Variants in PARN observed in about 807,000 individuals in gnomAD.
PARN encodes poly(A)-specific ribonuclease, also known as poly(A)-specific ribonuclease PARN.
In PARN, 71 loss-of-function variants were observed where a neutral mutation model predicts 102.8. The observed-to-expected ratio is 0.69, with a 90% CI of 0.57 to 0.84. PARN has a LOEUF of 0.84. Among genes scored for constraint, PARN ranks in the 40% least tolerant of loss-of-function variants. The probability of loss-of-function intolerance (pLI) is 0.00; values close to 1 mark genes in which losing one functional copy is unlikely to be tolerated. For synonymous variants in PARN, 261 were observed against 252.9 expected, an observed-to-expected ratio of 1.03 and a Z score of -0.30; for missense variants, 782 against 760.9, an observed-to-expected ratio of 1.03 and a Z score of -0.33.
At chr16:14,536,518 C>A (rs1966612858) in intron 21 of PARN, among the ~76,000 whole-genome samples, 1 of 152,156 alleles carries the variant, frequency 6.6e-6, no homozygotes, top group African/African-American at 2.4e-5. Context: ...ATGACTATGG[C>A]ACTAAATAAG....
chr16:14,573,720 G>A (rs930960388), intron 18 of PARN, among the ~76,000 whole-genome samples: 6 of 152,164 alleles, frequency 3.9e-5, no homozygotes, highest in African/African-American at 1.4e-4. Flanking sequence ...TATTTTGATA[G>A]TGAGTGAGTC....
chr16:14,582,341 C>T lies in PARN; in HGVS notation c.1082-50G>A, dbSNP rs756720515. ...TCCTCAAAACAAAGACTAGTAAGCA[C>T]ATTGCCCTACCAATCAAAATTGCAT... On this transcript the variant is annotated intron_variant, in intron 16 of 23. Coordinates refer to ENST00000437198, the MANE Select transcript of PARN (RefSeq NM_002582.4). The T allele has an allele frequency of 1.1e-5, 13 of 1,170,942 alleles. No individual in the cohort carries two copies. In the East Asian group the frequency reaches 1.9e-4, roughly 17 times the overall value. The allele number at this position is 1,170,942 out of a possible 1,614,324, so 72.5% of individuals were successfully genotyped here.
In PARN at chr16:14,606,171, G is replaced by C. The variant is rs113706978; in HGVS notation, c.702+313C>G. 9.7e-4 allele frequency among the ~76,000 whole-genome samples: 148 copies of C among 152,098 alleles called. 2 individuals are homozygous for C. Among genetic ancestry groups the C allele is most frequent in the Admixed American group, 7.9e-4 (12 of 15,246 alleles). ...ATCCAGCACTCTGCGAGGCCGAGGCGGGCAAATTGTTTGAGCCCAGGAGTT... is the reference window on the plus strand; with the variant it reads ...ATCCAGCACTCTGCGAGGCCGAGGCCGGCAAATTGTTTGAGCCCAGGAGTT... On this transcript the variant is annotated intron_variant, in intron 10 of 23. Transcript: ENST00000437198.
chr16:14,465,969 C>T (rs554449230), intron 22 of PARN, among the ~76,000 whole-genome samples: 31 of 152,170 alleles, frequency 2.0e-4, no homozygotes, highest in Middle Eastern at 3.4e-3. Context: ...GGACACAAAG[C>T]GGAGAATGAC....
At chr16:14,521,483 T>C (rs1300296511) in intron 21 of PARN, among the ~76,000 whole-genome samples, 1 of 152,230 alleles carries the variant, frequency 6.6e-6, no homozygotes, top group Non-Finnish European at 1.5e-5. Context: ...CGCTTTTGCT[T>C]TCCATTTGGA....
At position 14,617,623 on chromosome 16, in the gene PARN, G is replaced by C. The variant is rs1214207697; in HGVS notation, c.355C>G (p.Gln119Glu). The stretch of plus-strand genomic sequence containing the variant: ...AAAACTTTATTAAAATCAAATCCCT[G>C]GCTTGCTAGAAAGTCAATGCTGGAG... Reference protein sequence around the residue: ...QSSSIDFLASQGFDFNKVFRN... With the variant: ...QSSSIDFLASEGFDFNKVFRN... Residue 119 changes from glutamine (Q) to glutamate (E), a missense_variant, in exon 6 of 24, where the codon CAG (glutamine) becomes GAG (glutamate). By Grantham distance (29) the Gln-to-Glu change is conservative. Transcript: ENST00000437198. 1 of 1,597,156 alleles carries C rather than the reference G, an allele frequency of 6.3e-7. No homozygotes were observed.
At chr16:14,484,572 G>A (rs2151600106) in intron 21 of PARN, among the ~76,000 whole-genome samples, 1 of 152,320 alleles carries the variant, frequency 6.6e-6, no homozygotes, top group African/African-American at 2.4e-5. Flanking sequence ...TGAATGCAGA[G>A]CAGAATGCAG....
At chr16:14,444,237 T>C (rs943706754) in intron 23 of PARN, among the ~76,000 whole-genome samples, 1 of 152,090 alleles carries the variant, frequency 6.6e-6, no homozygotes, top group Admixed American at 6.5e-5. Flanking sequence ...CGATGAATGG[T>C]GCTCCAGAAG....
intron 20 of PARN, among the ~76,000 whole-genome samples, chr16:14,552,759 A>G (rs1967392925): frequency 6.6e-6 from 1 of 151,334 alleles, no homozygotes; most frequent in Non-Finnish European, 1.5e-5. Flanking sequence ...GACCAGCCTG[A>G]CCAACATGGA....
chr16:14,436,726 G>A lies in PARN; in HGVS notation c.1911C>T (p.Asp637=), dbSNP rs1187086940. The part of the protein sequence containing the change: ...NSPATLFEVP[D]TW Reference sequence around the variant, plus strand: ...TGCCCTCAGGTCTTGGTTACCATGTGTCAGGAACTTCAAAGAGTGTGGCAG... The same window carrying A: ...TGCCCTCAGGTCTTGGTTACCATGTATCAGGAACTTCAAAGAGTGTGGCAG... The change falls in exon 24 of 24, where the codon GAC becomes GAT. Residue 637 remains aspartate (D), a synonymous_variant. Coordinates refer to ENST00000437198, the MANE Select transcript of PARN (RefSeq NM_002582.4). 3 of 1,600,996 alleles carry A rather than the reference G, an allele frequency of 1.9e-6. No homozygotes were observed. The highest frequency in any genetic ancestry group is 2.6e-6 in the Non-Finnish European group (3 of 1,173,798).
intron 22 of PARN, among the ~76,000 whole-genome samples, chr16:14,477,312 A>T (rs914964428): frequency 1.3e-5 from 2 of 151,844 alleles, no homozygotes; most frequent in Non-Finnish European, 2.9e-5. Flanking sequence ...GTGATGGCAC[A>T]TGCCTATAAT....
intron 22 of PARN, among the ~76,000 whole-genome samples, chr16:14,454,823 G>A (rs1446520858): frequency 6.6e-6 from 1 of 152,154 alleles, no homozygotes. Context: ...ACATGTTGTT[G>A]AATAATGAGT....
At chr16:14,470,328 C>T (rs180696045) in intron 22 of PARN, among the ~76,000 whole-genome samples, 1 of 151,964 alleles carries the variant, frequency 6.6e-6, no homozygotes, top group Admixed American at 6.6e-5. Context: ...ACTGAGAAAC[C>T]TTTCTATGTT....
chr16:14,598,139 G>A (rs1218037359), intron 12 of PARN, among the ~76,000 whole-genome samples: 2 of 151,200 alleles, frequency 1.3e-5, no homozygotes, highest in East Asian at 1.9e-4. Flanking sequence ...CGAGACTCCG[G>A]CTCAAAAAAT....
chr16:14,551,706 TTACAGG>T (rs1221633506), intron 21 of PARN, among the ~76,000 whole-genome samples: 3 of 152,220 alleles, frequency 2.0e-5, no homozygotes, highest in Non-Finnish European at 4.4e-5. Context: ...TATTAATTTA[TTACAGG>T]TACTTCTCAT....
At chr16:14,479,442 G>A (rs1963259516) in intron 22 of PARN, among the ~76,000 whole-genome samples, 1 of 150,846 alleles carries the variant, frequency 6.6e-6, no homozygotes, top group Non-Finnish European at 1.5e-5. Flanking sequence ...AAAAAACTTA[G>A]GAAGAAAACT....
At chr16:14,609,029 G>A (rs757441306) in intron 8 of PARN, 29 bp downstream of exon 8, 2 of 1,353,786 alleles carry the variant, frequency 1.5e-6, no homozygotes, top group East Asian at 4.6e-5. Context: ...CCAAAAAAAG[G>A]ACATGCAGAA....
At chr16:14,580,127 G>A (rs1044831993) in intron 18 of PARN, among the ~76,000 whole-genome samples, 3 of 151,998 alleles carry the variant, frequency 2.0e-5, no homozygotes, top group Admixed American at 6.6e-5. Context: ...GCCCGCCACC[G>A]TGCCGGCTAA....
At chr16:14,583,922 C>T (rs1052165259) in intron 16 of PARN, among the ~76,000 whole-genome samples, 3 of 152,138 alleles carry the variant, frequency 2.0e-5, no homozygotes, top group African/African-American at 7.2e-5. Context: ...AGGGTGGGGA[C>T]TTGCCTTAAT....
Sources: allele counts gnomAD v4.1 joint callset (sites outside exome capture counted in the v4.1 genomes callset), GRCh38; gene constraint gnomAD v4.1.1; transcripts MANE v1.5; gene names NCBI Gene and HGNC (gene_info 2026-07-23, HGNC 2026-07-21).